The following KLHL24 variants were observed in gnomAD, a reference collection of about 807,000 sequenced individuals.
The protein encoded by KLHL24 is kelch-like protein 24.
A neutral mutation model predicts 53.4 loss-of-function variants in KLHL24; 29 were observed. The observed-to-expected ratio is 0.54, with a 90% CI of 0.40 to 0.74. The LOEUF is 0.74. KLHL24 is among the 30% of genes least tolerant of loss of function. The pLI, the probability that KLHL24 is intolerant of heterozygous loss-of-function variation, is 0.00. For missense variants in KLHL24, 504 were observed against 744.0 expected (o/e 0.68, Z 3.75); for synonymous variants, 222 against 253.7 (o/e 0.88, Z 1.19).
intron 3 of KLHL24, among the ~76,000 whole-genome samples, chr3:183,652,856 T>C (rs1405947356): frequency 6.6e-6 from 1 of 152,186 alleles, no homozygotes; most frequent in African/African-American, 2.4e-5. Context: ...TGTAGCAGAC[T>C]GAATGGTCTG....
chr3:183,670,521 G>A (rs1173649369), intron 5 of KLHL24, among the ~76,000 whole-genome samples: 1 of 152,112 alleles, frequency 6.6e-6, no homozygotes, highest in African/African-American at 2.4e-5. Context: ...GTATTGTACG[G>A]ACTAAAAGAA....
chr3:183,638,915 C>G (rs1242611130), intron 1 of KLHL24, among the ~76,000 whole-genome samples: 7 of 152,182 alleles, frequency 4.6e-5, no homozygotes, highest in East Asian at 1.9e-4. Flanking sequence ...TAAAAGTAGG[C>G]TTTGGCTGGG....
intron 3 of KLHL24, among the ~76,000 whole-genome samples, chr3:183,652,433 GT>G (rs973013010): frequency 6.6e-6 from 1 of 150,514 alleles, no homozygotes; most frequent in African/African-American, 2.4e-5. Flanking sequence ...GTTGGTGTTG[GT>G]TTTTTTTTAA....
intron 1 of KLHL24, among the ~76,000 whole-genome samples, chr3:183,638,882 T>G (rs984142706): frequency 1.3e-5 from 2 of 152,240 alleles, no homozygotes; most frequent in East Asian, 3.8e-4. Context: ...TGGCACATCT[T>G]AAAGACTACT....
chr3:183,657,613 T>C (rs1719094236), intron 3 of KLHL24, among the ~76,000 whole-genome samples: 1 of 152,206 alleles, frequency 6.6e-6, no homozygotes, highest in African/African-American at 2.4e-5. Flanking sequence ...GAGGCACAGT[T>C]AACTCACTTG....
In KLHL24 at chr3:183,650,611, A is replaced by T. The variant is rs995877328; in HGVS notation, c.255A>T (p.Ser85=). The part of the protein sequence containing the change: ...KEFPCHRAVL[S]ACSSYFRAMF... ...TTCCTTGCCATAGAGCTGTGCTCTC[A>T]GCCTGTAGCAGCTACTTCAGAGCTA... Residue 85 remains serine, a synonymous_variant, in exon 3 of 8, where the codon TCA becomes TCT. Coordinates refer to ENST00000242810, the MANE Select transcript of KLHL24 (RefSeq NM_017644.3). This position sits in a 1 kb window ranked among gnomAD's most constrained non-coding sequence, Gnocchi z 4.5. 9 of 1,614,172 alleles carry T rather than the reference A, an allele frequency of 5.6e-6. No homozygotes were observed. Among genetic ancestry groups the T allele is most frequent in the Non-Finnish European group, 7.6e-6 (9 of 1,179,998 alleles).
chr3:183,644,652 G>A (rs1716973351), intron 2 of KLHL24, among the ~76,000 whole-genome samples: 1 of 152,118 alleles, frequency 6.6e-6, no homozygotes, highest in African/African-American at 2.4e-5. Flanking sequence ...AAATCAAGGA[G>A]CCAACTATGA....
intron 3 of KLHL24, among the ~76,000 whole-genome samples, chr3:183,655,885 C>T (rs747667009): frequency 2.0e-4 from 30 of 151,908 alleles, no homozygotes; most frequent in Middle Eastern, 3.4e-3. Context: ...GAGCCGAGAT[C>T]GCGCCACTGT....
chr3:183,642,602 C>CAAAAA lies in KLHL24; in HGVS notation c.-124-856_-124-852dup, dbSNP rs377410456. 7.3e-4 allele frequency among the ~76,000 whole-genome samples: 68 copies of CAAAAA among 92,964 alleles called. 2 individuals are homozygous for CAAAAA. The highest frequency in any genetic ancestry group is 2.0e-3 in the African/African-American group (61 of 29,976). The allele number at this position is 92,964 out of a possible 152,430, so 61.0% of individuals were successfully genotyped here. On this transcript the variant is annotated intron_variant, in intron 1 of 7. Transcript: ENST00000242810. ...AAGCATTCCTCTTCTCCCCTTCCACCAAAAAAAAAAAAAAAAAAAAAAAAA... is the reference window on the plus strand; with the variant it reads ...AAGCATTCCTCTTCTCCCCTTCCACCAAAAAAAAAAAAAAAAAAAAAAAAAAAAAA...
intron 5 of KLHL24, among the ~76,000 whole-genome samples, chr3:183,669,287 C>G (rs1014358178): frequency 5.9e-5 from 9 of 151,898 alleles, no homozygotes; most frequent in African/African-American, 1.9e-4. Flanking sequence ...AGGAGGCAGA[C>G]ATTGCAGTGA....
At chr3:183,673,459 A>G (rs1187534371) in intron 7 of KLHL24, among the ~76,000 whole-genome samples, 2 of 152,216 alleles carry the variant, frequency 1.3e-5, no homozygotes, top group Non-Finnish European at 2.9e-5. Flanking sequence ...ATATTTCAGA[A>G]GAGAGGAATG....
At position 183,663,662 on chromosome 3, in the gene KLHL24, A is replaced by G; in HGVS notation, c.1105+20A>G. On this transcript the variant is annotated intron_variant, in intron 4 of 7. Transcript: ENST00000242810. This position sits in a 1 kb window ranked among gnomAD's most constrained non-coding sequence, Gnocchi z 4.9. Reference sequence around the variant, plus strand: ...TTTCAGGTAAATATAGAATTATTACAGTAGCTACTTTTAATTTGGACACAG... The same window carrying G: ...TTTCAGGTAAATATAGAATTATTACGGTAGCTACTTTTAATTTGGACACAG... 2.8e-6 allele frequency: 4 copies of G among 1,420,110 alleles called. No homozygotes were observed. Among genetic ancestry groups the G allele is most frequent in the Admixed American group, 4.4e-5 (2 of 45,538 alleles). The allele number at this position is 1,420,110 out of a possible 1,614,324, so 88.0% of individuals were successfully genotyped here. A position where few individuals can be genotyped will look rare whatever the true frequency, so the allele number is the denominator to read the frequency against.
intron 5 of KLHL24, among the ~76,000 whole-genome samples, chr3:183,665,282 G>A (rs1560175109): frequency 6.6e-6 from 1 of 152,150 alleles, no homozygotes; most frequent in African/African-American, 2.4e-5. Context: ...ATGCATCACT[G>A]AAGTCCAAAT....
rs1489012457 is a variant in KLHL24 at position 183,679,939 on chromosome 3, A to G, written c.*653A>G. The G allele has an allele frequency of 6.6e-6, 1 of 152,186 alleles. No individual in the cohort carries two copies. The highest frequency in any genetic ancestry group is 2.4e-5 in the African/African-American group (1 of 41,436). The allele number at this position is 152,186 out of a possible 1,614,324, so 9.4% of individuals were successfully genotyped here. A position where few individuals can be genotyped will look rare whatever the true frequency, so the allele number is the denominator to read the frequency against. ...GGGGAAGTTAGGTAGGAGATAGAAA[A>G]ATAAGTGCCCCTACAAGGGGGATTA... On this transcript the variant is annotated 3_prime_UTR_variant, in exon 8 of 8. Transcript: ENST00000242810.
At chr3:183,668,720 C>T (rs1164296286) in intron 5 of KLHL24, among the ~76,000 whole-genome samples, 1 of 152,100 alleles carries the variant, frequency 6.6e-6, no homozygotes, top group Admixed American at 6.6e-5. Flanking sequence ...GCCTGGCCAA[C>T]ATGGTGAAAC....
chr3:183,684,188 C>T lies in KLHL24; in HGVS notation c.*4902C>T, dbSNP rs184806595. ...CTCTCCCCTTCCCTATCACCCCTCC[C>T]CCAAGGTTTCTTTATTTAAATTTTT... On this transcript the variant is annotated 3_prime_UTR_variant, in exon 8 of 8. Transcript: ENST00000242810. 2 of 152,276 alleles carry T rather than the reference C, an allele frequency of 1.3e-5. No homozygotes were observed. Among genetic ancestry groups the T allele is most frequent in the African/African-American group, 4.8e-5 (2 of 41,544 alleles). The allele number at this position is 152,276 out of a possible 1,614,324, so 9.4% of individuals were successfully genotyped here.
rs745747071 is a variant in KLHL24 at position 183,651,274 on chromosome 3, C to T, written c.918C>T (p.Arg306=). 5 of 1,609,538 alleles carry T rather than the reference C, an allele frequency of 3.1e-6. No homozygotes were observed. The highest frequency in any genetic ancestry group is 3.4e-6 in the Non-Finnish European group (4 of 1,176,816). Residue 306 remains arginine, a splice_region_variant and synonymous_variant, in exon 3 of 8, where the codon CGC becomes CGT. Transcript: ENST00000242810. ...TGATGTCCCCAAGGACTAGGCCACG[C>T]AGGTGAGAAGACTGTTTTCAAATAT... is the stretch of plus-strand genomic sequence containing the variant. ...NEMMSPRTRP[R]RSTGYSEVIV...
rs117723051 is a variant in KLHL24 at position 183,668,873 on chromosome 3, G to A, written c.1225-2161G>A. 7.4e-4 allele frequency among the ~76,000 whole-genome samples: 112 copies of A among 152,054 alleles called. No homozygotes were observed. In the East Asian group the frequency reaches 0.02, roughly 28 times the overall value. ...TGAGCTGCCTGCTGCACTCCAGCCC[G>A]GTGACAGAGTGAGACTCTGTCAAAA... On this transcript the variant is annotated intron_variant, in intron 5 of 7. Coordinates refer to ENST00000242810, the MANE Select transcript of KLHL24 (RefSeq NM_017644.3).
chr3:183,646,872 C>T (rs573969106), intron 2 of KLHL24, among the ~76,000 whole-genome samples: 260 of 151,848 alleles, frequency 1.7e-3, no homozygotes, highest in African/African-American at 6.0e-3. Context: ...TGCAGTGGCG[C>T]GATCTAGGCT....
Sources: allele counts gnomAD v4.1 joint callset (sites outside exome capture counted in the v4.1 genomes callset), GRCh38; gene constraint gnomAD v4.1.1; non-coding constraint Gnocchi (gnomAD v3.1); transcripts MANE v1.5; gene names NCBI Gene and HGNC (gene_info 2026-07-23, HGNC 2026-07-21).